GRIP1: variants seen among roughly 807,000 people sequenced by gnomAD.
GRIP1 encodes the protein glutamate receptor-interacting protein 1.
Under a neutral mutation model 129.9 loss-of-function variants are expected in GRIP1, and 45 were observed. That is an observed-to-expected ratio of 0.35 (90% CI 0.27 to 0.44). The LOEUF is 0.44. Among genes scored for constraint, GRIP1 ranks in the 20% least tolerant of loss-of-function variants. GRIP1 has a pLI of 1.00. For missense variants in GRIP1, 1,196 were observed against 1,396.8 expected, an observed-to-expected ratio of 0.86 and a Z score of 2.29; for synonymous variants, 530 against 520.8, an observed-to-expected ratio of 1.02 and a Z score of -0.24.
upstream of GRIP1, among the ~76,000 whole-genome samples, chr12:66,808,375 G>T (rs913067788): frequency 3.9e-5 from 6 of 152,100 alleles, no homozygotes; most frequent in African/African-American, 1.4e-4. Context: ...TCGGCTCACT[G>T]CAACCTCTTC....
At chr12:66,506,553 T>C (rs2060532646) in intron 7 of GRIP1, among the ~76,000 whole-genome samples, 2 of 152,094 alleles carry the variant, frequency 1.3e-5, no homozygotes, top group Non-Finnish European at 2.9e-5. Context: ...GAAAACACAA[T>C]GGGGCTTTTG....
intron 1 of GRIP1, among the ~76,000 whole-genome samples, chr12:66,698,680 C>A: frequency 6.6e-6 from 1 of 152,252 alleles, no homozygotes; most frequent in African/African-American, 2.4e-5. Flanking sequence ...CCTTTGTTGG[C>A]TCTAGGGTGG....
intron 1 of GRIP1, among the ~76,000 whole-genome samples, chr12:67,003,398 A>C (rs2042580207): frequency 2.0e-5 from 3 of 152,184 alleles, no homozygotes. Flanking sequence ...ACATCTTAAA[A>C]ATGATCATTC....
Position 67,037,358 on chromosome 12 carries a change from A to ATAATAATAC in GRIP1, c.58+31691_58+31692insGTATTATTA, listed in dbSNP as rs1450620517. On this transcript the variant is annotated intron_variant, in intron 1 of 1. Coordinates refer to the GRIP1 transcript ENST00000643019. ...AATAATAATAATAATAATAATAATAATACTTAAATACTAAGGCTATACTAA... is the reference window on the plus strand; with the variant it reads ...AATAATAATAATAATAATAATAATAATAATAATACTACTTAAATACTAAGGCTATACTAA... The ATAATAATAC allele has an allele frequency of 2.0e-5, 3 of 148,652 alleles. No individual in the cohort carries two copies. In the Admixed American group the frequency reaches 2.0e-4, roughly 10 times the overall value. 9.2% of individuals were successfully genotyped at this position (148,652 alleles called of 1,614,324 possible).
At chr12:66,458,648 G>A (rs1423669404) in intron 9 of GRIP1, among the ~76,000 whole-genome samples, 1 of 152,224 alleles carries the variant, frequency 6.6e-6, no homozygotes, top group Non-Finnish European at 1.5e-5. Context: ...GCCTCCCAAA[G>A]TGCTGGGATT....
In GRIP1 at chr12:66,383,526, T is replaced by C. The variant is rs531422626; in HGVS notation, c.2465-4090A>G. Among the ~76,000 whole-genome samples, 3 of 152,294 alleles carry C rather than the reference T, an allele frequency of 2.0e-5. No individual in the cohort carries two copies. In the East Asian group the frequency reaches 5.8e-4, roughly 29 times the overall value. ...ATAGGAGGAATGTGATTTACCCAAC[T>C]GGTGAGTTTTGGAAAAGAACATTGG... On this transcript the variant is annotated intron_variant, in intron 19 of 24. Coordinates refer to ENST00000359742, the MANE Select transcript of GRIP1 (RefSeq NM_001366722.1).
intron 1 of GRIP1, among the ~76,000 whole-genome samples, chr12:67,025,911 C>G (rs916786318): frequency 1.3e-5 from 2 of 152,152 alleles, no homozygotes; most frequent in Admixed American, 6.5e-5. Context: ...TCTCAAAATA[C>G]TCCTAACTAG....
intron 1 of GRIP1, among the ~76,000 whole-genome samples, chr12:66,976,872 T>C (rs1335710732): frequency 6.6e-6 from 1 of 152,224 alleles, no homozygotes; most frequent in East Asian, 1.9e-4. Flanking sequence ...TAATATTCTC[T>C]GTCTCTCTTT....
At chr12:66,428,319 C>CA (rs2058048138) in intron 14 of GRIP1, among the ~76,000 whole-genome samples, 3 of 152,060 alleles carry the variant, frequency 2.0e-5, no homozygotes, top group Admixed American at 6.6e-5. Context: ...GCAAAGTTGG[C>CA]AAAATAACAG....
intron 1 of GRIP1, among the ~76,000 whole-genome samples, chr12:66,605,984 C>T (rs929213193): frequency 6.6e-6 from 1 of 152,052 alleles, no homozygotes; most frequent in Non-Finnish European, 1.5e-5. Context: ...GATGATTCTT[C>T]CCAGGGTCAT....
chr12:67,057,115 C>G (rs779912581), intron 1 of GRIP1, among the ~76,000 whole-genome samples: 1 of 152,078 alleles, frequency 6.6e-6, no homozygotes, highest in Non-Finnish European at 1.5e-5. Context: ...CGTGCCTGGC[C>G]GGACTGAATG....
At chr12:66,378,550 C>T (rs987111573) in intron 20 of GRIP1, among the ~76,000 whole-genome samples, 7 of 152,110 alleles carry the variant, frequency 4.6e-5, no homozygotes, top group East Asian at 3.9e-4. Flanking sequence ...AGTTCGAGAC[C>T]GGCCTGGTCA....
intron 1 of GRIP1, among the ~76,000 whole-genome samples, chr12:66,940,534 G>A (rs1490224767): frequency 6.6e-6 from 1 of 152,026 alleles, no homozygotes; most frequent in Non-Finnish European, 1.5e-5. Flanking sequence ...ATCAGTAAAG[G>A]CAGCCAATCA....
chr12:67,057,166 CCT>C (rs2043451318), intron 1 of GRIP1, among the ~76,000 whole-genome samples: 1 of 152,030 alleles, frequency 6.6e-6, no homozygotes, highest in South Asian at 2.1e-4. Flanking sequence ...TCCCTAACCC[CCT>C]GTGTGGTTGC....
intron 1 of GRIP1, among the ~76,000 whole-genome samples, chr12:66,923,165 G>C (rs2041241055): frequency 6.6e-6 from 1 of 152,112 alleles, no homozygotes; most frequent in South Asian, 2.1e-4. Context: ...ACAGTTATCA[G>C]GTTGTATGAC....
At chr12:66,792,370 T>A (rs368462131) in intron 1 of GRIP1, among the ~76,000 whole-genome samples, 3 of 152,052 alleles carry the variant, frequency 2.0e-5, no homozygotes, top group African/African-American at 2.4e-5. Context: ...TTCTCCCAAG[T>A]AGCTGGGATT....
At chr12:66,405,546 C>T (rs1356050687) in intron 16 of GRIP1, among the ~76,000 whole-genome samples, 1 of 152,098 alleles carries the variant, frequency 6.6e-6, no homozygotes, top group African/African-American at 2.4e-5. Flanking sequence ...TGGGGTGGTG[C>T]CAGGATCTGT....
At chr12:66,629,347 T>C (rs2030478108) in intron 1 of GRIP1, among the ~76,000 whole-genome samples, 1 of 152,224 alleles carries the variant, frequency 6.6e-6, no homozygotes, top group African/African-American at 2.4e-5. Flanking sequence ...GCCTAACACA[T>C]GTGATGACCA....
chr12:66,535,144 TCACCCA>T (rs2061569429), intron 4 of GRIP1, among the ~76,000 whole-genome samples: 1 of 152,202 alleles, frequency 6.6e-6, no homozygotes, highest in Non-Finnish European at 1.5e-5. Context: ...TAGCTCTGAA[TCACCCA>T]CAACACTGGA....
Sources: allele counts gnomAD v4.1 joint callset (sites outside exome capture counted in the v4.1 genomes callset), GRCh38; gene constraint gnomAD v4.1.1; transcripts MANE v1.5; gene names NCBI Gene and HGNC (gene_info 2026-07-23, HGNC 2026-07-21).